Variants in SPATA13 observed in about 807,000 individuals in gnomAD.
The protein encoded by SPATA13 is spermatogenesis-associated protein 13.
In SPATA13, 50 loss-of-function variants were observed where a neutral mutation model predicts 104.0. The ratio of observed to expected loss-of-function variants is 0.48; its 90% CI spans 0.38 to 0.61. The LOEUF is 0.61. Among genes scored for constraint, SPATA13 ranks in the 20% least tolerant of loss-of-function variants. The pLI, the probability that SPATA13 is intolerant of heterozygous loss-of-function variation, is 0.00. For synonymous variants in SPATA13, 606 were observed against 667.5 expected, an observed-to-expected ratio of 0.91 and a Z score of 1.42; for missense variants, 1,524 against 1,690.6, an observed-to-expected ratio of 0.90 and a Z score of 1.73.
At chr13:24,049,968 G>A (rs181205369) in intron 3 of SPATA13, among the ~76,000 whole-genome samples, 3 of 152,264 alleles carry the variant, frequency 2.0e-5, no homozygotes, top group Non-Finnish European at 4.4e-5. Flanking sequence ...TGCCTCCCCG[G>A]TTCAAGCAAT....
upstream of SPATA13, among the ~76,000 whole-genome samples, chr13:24,158,628 A>G (rs1325646667): frequency 6.6e-6 from 1 of 152,296 alleles, no homozygotes; most frequent in East Asian, 1.9e-4. Flanking sequence ...CTTTTATCCC[A>G]GGCGCTCAAA....
At chr13:24,292,627 T>C (rs1474298262) in intron 9 of SPATA13, among the ~76,000 whole-genome samples, 1 of 152,088 alleles carries the variant, frequency 6.6e-6, no homozygotes, top group Non-Finnish European at 1.5e-5. Context: ...GCTAAATATC[T>C]TCCTGCAGGG....
At chr13:24,041,445 G>A (rs1877925709) in intron 3 of SPATA13, among the ~76,000 whole-genome samples, 2 of 152,158 alleles carry the variant, frequency 1.3e-5, no homozygotes. Context: ...AATCTCACAT[G>A]TAAATAGAAA....
At chr13:24,257,138 A>G (rs1254868110) in intron 4 of SPATA13, among the ~76,000 whole-genome samples, 2 of 152,206 alleles carry the variant, frequency 1.3e-5, no homozygotes, top group South Asian at 2.1e-4. Context: ...AGTGCTTTTC[A>G]GAATTCTTAC....
intron 3 of SPATA13, among the ~76,000 whole-genome samples, chr13:24,114,199 C>A (rs1452550572): frequency 2.0e-5 from 3 of 152,240 alleles, no homozygotes. Context: ...TTTGGAGAGA[C>A]TGCCCGCCAG....
chr13:24,286,980 G>A lies in SPATA13; in HGVS notation c.2667+30G>A. ...GACGCCAGGCTGGGACCTCACTGAG[G>A]GTCACAGTATGAGGCTGCATGAGGT... is the stretch of plus-strand genomic sequence containing the variant. On this transcript the variant is annotated intron_variant, in intron 7 of 12. Transcript: ENST00000382108. This position sits in a 1 kb window ranked among gnomAD's most constrained non-coding sequence, Gnocchi z 4.9. 1.9e-6 allele frequency: 3 copies of A among 1,603,406 alleles called. No individual in the cohort carries two copies. The highest frequency in any genetic ancestry group is 2.6e-6 in the Non-Finnish European group (3 of 1,173,102).
At chr13:24,101,906 G>A (rs183449447) in intron 3 of SPATA13, among the ~76,000 whole-genome samples, 156 of 152,260 alleles carry the variant, frequency 1.0e-3, no homozygotes, top group Middle Eastern at 3.4e-3. Flanking sequence ...GGTTGCTTCC[G>A]TCTTTTGGCT....
chr13:24,081,563 C>G (rs1593317134), intron 3 of SPATA13, among the ~76,000 whole-genome samples: 3 of 152,032 alleles, frequency 2.0e-5, no homozygotes, highest in Non-Finnish European at 4.4e-5. Flanking sequence ...AATCGCAGCA[C>G]TTTGGGAGGT....
intron 3 of SPATA13, among the ~76,000 whole-genome samples, chr13:24,022,007 G>A (rs1003582079): frequency 9.9e-5 from 15 of 151,426 alleles, no homozygotes; most frequent in Non-Finnish European, 2.1e-4. Context: ...CACTGCGCCC[G>A]GCCAGTTGTT....
intron 3 of SPATA13, among the ~76,000 whole-genome samples, chr13:24,025,535 A>C (rs1353163674): frequency 6.6e-6 from 1 of 152,214 alleles, no homozygotes; most frequent in East Asian, 1.9e-4. Flanking sequence ...TTTAAAAAAT[A>C]ATCCAAACGC....
At chr13:24,298,487 G>A (rs1254826371) in intron 11 of SPATA13, among the ~76,000 whole-genome samples, 1 of 152,200 alleles carries the variant, frequency 6.6e-6, no homozygotes, top group Non-Finnish European at 1.5e-5. Context: ...GCCATGCCTG[G>A]CATTAATGAT....
rs144520440 is a variant in SPATA13, at chr13:24,073,178, A to G, written c.-112+55477A>G. ...ATTGTATGTTGGTGTTGGAAGGCCAAGTGGGGGACTGTAGTGGACATTTGT... is the reference window on the plus strand; with the variant it reads ...ATTGTATGTTGGTGTTGGAAGGCCAGGTGGGGGACTGTAGTGGACATTTGT... On this transcript the variant is annotated intron_variant, in intron 3 of 14. Coordinates refer to the SPATA13 transcript ENST00000424834. Among the ~76,000 whole-genome samples the G allele has an allele frequency of 6.6e-3, 1,011 of 152,264 alleles. 3 individuals carry two copies. Among genetic ancestry groups the G allele is most frequent in the Middle Eastern group, 0.037 (11 of 294 alleles).
At chr13:24,224,831 T>C in intron 2 of SPATA13, 1 of 566,926 alleles carries the variant, frequency 1.8e-6, no homozygotes, top group Non-Finnish European at 3.3e-6. Context: ...ACACCTTTCA[T>C]TCAAAAGATG....
At chr13:24,082,848 A>AC (rs1879584142) in intron 3 of SPATA13, among the ~76,000 whole-genome samples, 1 of 150,952 alleles carries the variant, frequency 6.6e-6, no homozygotes, top group African/African-American at 2.4e-5. Context: ...AAAAAAAAAA[A>AC]AAAAAATAAG....
At chr13:24,111,214 C>G (rs1880627458) in intron 3 of SPATA13, among the ~76,000 whole-genome samples, 1 of 151,944 alleles carries the variant, frequency 6.6e-6, no homozygotes, top group East Asian at 1.9e-4. Flanking sequence ...CAGCCAACTC[C>G]CTCTTTATTA....
intron 1 of SPATA13, among the ~76,000 whole-genome samples, chr13:24,217,434 A>C (rs1383938392): frequency 6.6e-6 from 1 of 152,178 alleles, no homozygotes; most frequent in Non-Finnish European, 1.5e-5. Flanking sequence ...ATCAGACCTG[A>C]GATGTGCAAA....
Position 24,195,558 on chromosome 13 carries a change from C to T in SPATA13, c.-111-27261C>T, listed in dbSNP as rs144271447. On this transcript the variant is annotated intron_variant, in intron 1 of 12. Coordinates refer to ENST00000382108, the MANE Select transcript of SPATA13 (RefSeq NM_001166271.3). Reference sequence around the variant, plus strand: ...CCAAAGTGGCTGCCCCATTTTACAGCCCACCAGCAATATAAGAGTGTTCTG... The same window carrying T: ...CCAAAGTGGCTGCCCCATTTTACAGTCCACCAGCAATATAAGAGTGTTCTG... Among the ~76,000 whole-genome samples, 158 of 152,252 alleles carry T rather than the reference C, an allele frequency of 1.0e-3. 1 individual carries two copies. Among genetic ancestry groups the T allele is most frequent in the African/African-American group, 3.7e-3 (155 of 41,538 alleles).
At chr13:24,007,371 G>A (rs1453228035) in intron 2 of SPATA13, among the ~76,000 whole-genome samples, 1 of 152,198 alleles carries the variant, frequency 6.6e-6, no homozygotes, top group African/African-American at 2.4e-5. Context: ...GTCAGTAGCT[G>A]GCCCCTGGGG....
chr13:24,121,274 A>T (rs867927202), intron 3 of SPATA13, among the ~76,000 whole-genome samples: 2 of 152,172 alleles, frequency 1.3e-5, no homozygotes, highest in South Asian at 2.1e-4. Context: ...TTACATACCG[A>T]ATTCAAGTCA....
Sources: allele counts gnomAD v4.1 joint callset (sites outside exome capture counted in the v4.1 genomes callset), GRCh38; gene constraint gnomAD v4.1.1; non-coding constraint Gnocchi (gnomAD v3.1); transcripts MANE v1.5; gene names NCBI Gene and HGNC (gene_info 2026-07-23, HGNC 2026-07-21).